ZBTB40: variants seen among roughly 807,000 people sequenced by gnomAD.
ZBTB40 encodes the protein zinc finger and BTB domain-containing protein 40.
Under a neutral mutation model 117.5 loss-of-function variants are expected in ZBTB40, and 60 were observed. That is an observed-to-expected ratio of 0.51 (90% CI 0.41 to 0.63). ZBTB40 has a LOEUF of 0.63. Ranked by LOEUF, ZBTB40 falls within the 30% of genes least tolerant of loss-of-function variation. The pLI, the probability that ZBTB40 is intolerant of heterozygous loss-of-function variation, is 0.00. For missense variants in ZBTB40, 1,287 were observed against 1,498.5 expected, an observed-to-expected ratio of 0.86 and a Z score of 2.33; for synonymous variants, 525 against 577.1, an observed-to-expected ratio of 0.91 and a Z score of 1.29.
chr1:22,520,907 G>A (rs776217964), intron 14 of ZBTB40, among the ~76,000 whole-genome samples: 3 of 152,228 alleles, frequency 2.0e-5, no homozygotes, highest in East Asian at 1.9e-4. Flanking sequence ...TGTGACATTA[G>A]CGTTCCAGAA....
At chr1:22,449,114 GGTT>G (rs1466912890), upstream of ZBTB40, among the ~76,000 whole-genome samples, 2 of 151,970 alleles carry the variant, frequency 1.3e-5, no homozygotes, top group East Asian at 1.9e-4. Flanking sequence ...GCAGCCGGCC[GGTT>G]GTTATTTCTT....
At position 22,508,508 on chromosome 1, in the gene ZBTB40, G is replaced by C. The variant is rs569409144; in HGVS notation, c.1498-22G>C. Reference sequence around the variant, plus strand: ...AGTGGCTGGAGAGTCTCTTACGTGAGTGTTTGTGTTACATCTTGAAGGTCA... The same window carrying C: ...AGTGGCTGGAGAGTCTCTTACGTGACTGTTTGTGTTACATCTTGAAGGTCA... On this transcript the variant is annotated intron_variant, in intron 7 of 17. Coordinates refer to ENST00000375647, the MANE Select transcript of ZBTB40 (RefSeq NM_014870.4). The C allele has an allele frequency of 1.9e-6, 3 of 1,614,012 alleles. No individual in the cohort carries two copies. The South Asian group carries it at 3.3e-5, about 18-fold the overall frequency.
At chr1:22,521,730 T>C in intron 15 of ZBTB40, 72 bp downstream of exon 15, 4 of 1,596,794 alleles carry the variant, frequency 2.5e-6, no homozygotes, top group East Asian at 2.2e-5. Flanking sequence ...CCACCAGAAA[T>C]CCCCACTTCT....
At chr1:22,458,712 T>A (rs1379266301) in intron 1 of ZBTB40, among the ~76,000 whole-genome samples, 1 of 152,232 alleles carries the variant, frequency 6.6e-6, no homozygotes, top group Admixed American at 6.5e-5. Flanking sequence ...GAATACTTTT[T>A]TAAAAAATTA....
chr1:22,507,629 C>G (rs891303265), intron 6 of ZBTB40, among the ~76,000 whole-genome samples: 1 of 152,198 alleles, frequency 6.6e-6, no homozygotes, highest in Non-Finnish European at 1.5e-5. Context: ...AGCCTTGATT[C>G]GTGCTCGTCT....
At chr1:22,438,045 G>A (rs753462427) in intron 1 of ZBTB40, among the ~76,000 whole-genome samples, 74 of 151,958 alleles carry the variant, frequency 4.9e-4, no homozygotes, top group Non-Finnish European at 9.1e-4. Flanking sequence ...CAGGAGAATC[G>A]CTTGAACCCA....
At chr1:22,491,268 T>C in intron 2 of ZBTB40, 132 bp from the exon 3 acceptor site, 1 of 890,786 alleles carries the variant, frequency 1.1e-6, no homozygotes, top group East Asian at 2.6e-5. Context: ...TGTCTGTTAT[T>C]CATAACTGAT....
chr1:22,495,269 G>A (rs1483717802), intron 3 of ZBTB40, among the ~76,000 whole-genome samples: 1 of 152,144 alleles, frequency 6.6e-6, no homozygotes, highest in Non-Finnish European at 1.5e-5. Context: ...AGAAGAAGCT[G>A]GGCTACTTGA....
intron 1 of ZBTB40, among the ~76,000 whole-genome samples, chr1:22,434,897 T>A (rs1204388008): frequency 6.6e-6 from 1 of 152,206 alleles, no homozygotes; most frequent in Non-Finnish European, 1.5e-5. Context: ...CTTCTCCAGT[T>A]TCAGAAAAAA....
At chr1:22,523,924 A>G (rs966235690) in intron 16 of ZBTB40, among the ~76,000 whole-genome samples, 2 of 152,220 alleles carry the variant, frequency 1.3e-5, no homozygotes, top group Admixed American at 1.3e-4. Flanking sequence ...CTGCAGTTGA[A>G]TGAATAATGG....
intron 16 of ZBTB40, among the ~76,000 whole-genome samples, chr1:22,523,254 A>T (rs1639589556): frequency 6.6e-6 from 1 of 152,066 alleles, no homozygotes; most frequent in South Asian, 2.1e-4. Context: ...CCCAGCCAAG[A>T]TGTACCATTT....
intron 1 of ZBTB40, among the ~76,000 whole-genome samples, chr1:22,462,459 A>G (rs951801405): frequency 2.0e-5 from 3 of 152,276 alleles, no homozygotes; most frequent in Non-Finnish European, 4.4e-5. Context: ...TAAATGCTTA[A>G]TAAATGTTAG....
intron 1 of ZBTB40, among the ~76,000 whole-genome samples, chr1:22,442,503 C>A (rs542446737): frequency 2.0e-4 from 31 of 151,960 alleles, no homozygotes; most frequent in African/African-American, 7.0e-4. Flanking sequence ...GGGAGAGAGA[C>A]CCTGGGGTTG....
At chr1:22,519,819 T>C in intron 13 of ZBTB40, 1 of 576,718 alleles carries the variant, frequency 1.7e-6, no homozygotes, top group Non-Finnish European at 3.1e-6. Flanking sequence ...AACTACATGA[T>C]GCTGCAGAGA....
intron 8 of ZBTB40, 35 bp downstream of exon 8, chr1:22,508,766 C>A: frequency 6.9e-6 from 11 of 1,598,530 alleles, no homozygotes; most frequent in Non-Finnish European, 9.4e-6. Flanking sequence ...GTTTTGCCCC[C>A]ACTAGAGATG....
chr1:22,430,944 G>A (rs1187152898), intron 1 of ZBTB40, among the ~76,000 whole-genome samples: 1 of 152,002 alleles, frequency 6.6e-6, no homozygotes, highest in East Asian at 1.9e-4. Context: ...TTGTAGCTTA[G>A]CACATAATTC....
intron 4 of ZBTB40, 79 bp downstream of exon 4, chr1:22,501,763 T>A: frequency 6.9e-7 from 1 of 1,457,326 alleles, no homozygotes; most frequent in South Asian, 1.2e-5. Context: ...AATGACATGT[T>A]TCTTTGGTGG....
At chr1:22,521,782 G>A in intron 15 of ZBTB40, 124 bp downstream of exon 15, 1 of 1,404,530 alleles carries the variant, frequency 7.1e-7, no homozygotes, top group Non-Finnish European at 1.0e-6. Flanking sequence ...CCTTTGTTCT[G>A]CCCCAGCGCA....
At position 22,508,026 on chromosome 1, in the gene ZBTB40, G is replaced by C; in HGVS notation, c.1386G>C (p.Gly462=). The C allele has an allele frequency of 6.2e-7, 1 of 1,614,078 alleles. No homozygotes were observed. Among genetic ancestry groups the C allele is most frequent in the Non-Finnish European group, 8.5e-7 (1 of 1,180,038 alleles). The change falls in exon 7 of 18, where the codon GGG becomes GGC. Residue 462 remains glycine, a synonymous_variant. Transcript: ENST00000375647. ...TTVQPSPDDY[G]TELLRRYHEN... ...TCCAACCAAGCCCTGATGATTATGGGACTGAGCTATTGAGACGCTATCATG... is the reference window on the plus strand; with the variant it reads ...TCCAACCAAGCCCTGATGATTATGGCACTGAGCTATTGAGACGCTATCATG...
Sources: gnomAD v4.1 joint callset for allele counts (sites outside exome capture counted in the v4.1 genomes callset) on GRCh38, gnomAD v4.1.1 for gene constraint, MANE v1.5 for transcripts, NCBI Gene and HGNC (gene_info 2026-07-23, HGNC 2026-07-21) for gene names.